PLEKHM1: variants seen among roughly 807,000 people sequenced by gnomAD.
The protein encoded by PLEKHM1 is pleckstrin homology domain-containing family M member 1.
In PLEKHM1, 28 loss-of-function variants were observed where a neutral mutation model predicts 94.3. The ratio of observed to expected loss-of-function variants is 0.30; its 90% CI spans 0.22 to 0.41. The LOEUF is 0.41. Ranked by LOEUF, PLEKHM1 falls within the 10% of genes least tolerant of loss-of-function variation. The pLI is 1.00. For synonymous variants in PLEKHM1, 424 were observed against 581.2 expected (o/e 0.73, Z 3.89); for missense variants, 907 against 1,358.6 (o/e 0.67, Z 5.22).
chr17:45,479,663 G>C (rs1391273226), intron 2 of PLEKHM1, among the ~76,000 whole-genome samples: 2 of 152,136 alleles, frequency 1.3e-5, no homozygotes, highest in East Asian at 3.8e-4. Context: ...TCCAGCCTGG[G>C]TGGCAGAGTG....
In PLEKHM1 at chr17:45,468,514, G is replaced by A. The variant is rs2051394569; in HGVS notation, c.1003C>T (p.Pro335Ser). 6.2e-7 allele frequency: 1 copy of A among 1,614,244 alleles called. No individual in the cohort carries two copies. The highest frequency in any genetic ancestry group is 8.5e-7 in the Non-Finnish European group (1 of 1,180,050). ...GLSQETEIPT[P>S]QASLSLHGLN... Reference sequence around the variant, plus strand: ...CCATGGAGGGAGAGCGAGGCCTGTGGTGTGGGGATCTCTGTTTCTTGGCTC... The same window carrying A: ...CCATGGAGGGAGAGCGAGGCCTGTGATGTGGGGATCTCTGTTTCTTGGCTC... Residue 335 changes from proline to serine, a missense_variant, in exon 5 of 12, where the codon CCA becomes TCA. Physicochemically the swap from Pro to Ser is moderately conservative, Grantham distance 74. Around this residue, in one of 3 missense-constraint regions of PLEKHM1, gnomAD observed 477 missense variants for 601.5 expected, o/e 0.79. Transcript: ENST00000430334.
At chr17:45,454,544 C>T (rs1347669683) in intron 6 of PLEKHM1, 7 of 589,544 alleles carry the variant, frequency 1.2e-5, no homozygotes, top group Non-Finnish European at 2.1e-5. Flanking sequence ...TCCCTACACC[C>T]ACGCCTTCCC....
intron 11 of PLEKHM1, among the ~76,000 whole-genome samples, chr17:45,439,046 A>G (rs1262394819): frequency 6.6e-6 from 1 of 152,232 alleles, no homozygotes; most frequent in African/African-American, 2.4e-5. Context: ...AACAAGAGTG[A>G]TCATTTCAGC....
Position 45,454,204 on chromosome 17 carries a change from A to G in PLEKHM1, c.1648T>C (p.Trp550Arg). The G allele has an allele frequency of 6.2e-7, 1 of 1,612,032 alleles. No homozygotes were observed. The highest frequency in any genetic ancestry group is 2.2e-5 in the East Asian group (1 of 44,784). ...TVERRGAMGI[W>R]KELFCELSPL... Reference sequence around the variant, plus strand: ...GAGAGCTCGCAGAAGAGCTCCTTCCAGATGCCCATTGCCCCCCGCCGCTCC... The same window carrying G: ...GAGAGCTCGCAGAAGAGCTCCTTCCGGATGCCCATTGCCCCCCGCCGCTCC... The change falls in exon 7 of 12, where the codon TGG becomes CGG. Residue 550 changes from tryptophan (W) to arginine (R), a missense_variant. By Grantham distance (101) the Trp-to-Arg change is moderately radical. Transcript: ENST00000430334.
At chr17:45,486,240 A>AAAAAAAAATAAT (rs1555588810) in intron 1 of PLEKHM1, among the ~76,000 whole-genome samples, 1 of 142,860 alleles carries the variant, frequency 7.0e-6, no homozygotes, top group Non-Finnish European at 1.5e-5. Context: ...TAAAATAAAA[A>AAAAAAAAATAAT]AATAATAATA....
Position 45,475,637 on chromosome 17 carries a change from C to A in PLEKHM1, c.386G>T (p.Gly129Val). 6.2e-7 allele frequency: 1 copy of A among 1,613,944 alleles called. No individual in the cohort carries two copies. The change falls in exon 4 of 12, where the codon GGC becomes GTC. Residue 129 changes from glycine (G) to valine (V), a missense_variant. Physicochemically the swap from Gly to Val is moderately radical, Grantham distance 109 (BLOSUM62 -3). This residue lies in a region of PLEKHM1 where 176 missense variants were observed against 306.0 expected (regional missense o/e 0.58). Coordinates refer to ENST00000430334, the MANE Select transcript of PLEKHM1 (RefSeq NM_014798.3). ...CAGCTTCAGGTAGCACTCCATCAGG[C>A]CATCGTTCAGGGCCAGCCGCAGCCA... ...RAWLRLALND[G>V]LMECYLKLLL...
intron 5 of PLEKHM1, among the ~76,000 whole-genome samples, chr17:45,466,514 A>G (rs2051325651): frequency 6.6e-6 from 1 of 152,216 alleles, no homozygotes; most frequent in Non-Finnish European, 1.5e-5. Context: ...TGTCCAATAA[A>G]AGACTTATAT....
chr17:45,453,110 C>T lies in PLEKHM1; in HGVS notation c.2497+245G>A, dbSNP rs1294387362. The T allele has an allele frequency of 3.3e-6, 2 of 609,806 alleles. No homozygotes were observed. The highest frequency in any genetic ancestry group is 3.7e-5 in the African/African-American group (2 of 54,148). 37.8% of individuals were successfully genotyped at this position (609,806 alleles called of 1,614,324 possible). A position where few individuals can be genotyped will look rare whatever the true frequency, so the allele number is the denominator to read the frequency against. ...CGCAGTGAGTAGCCAGCCTGCCGCC[C>T]ATCAGTGGGAGGTGGCAGGAGAGGG... On this transcript the variant is annotated intron_variant, in intron 7 of 11. Coordinates refer to ENST00000430334, the MANE Select transcript of PLEKHM1 (RefSeq NM_014798.3). This position sits in a 1 kb window ranked among gnomAD's most constrained non-coding sequence, Gnocchi z 4.1.
intron 3 of PLEKHM1, chr17:45,477,485 G>T: frequency 3.7e-6 from 1 of 269,430 alleles, no homozygotes; most frequent in Non-Finnish European, 7.3e-6. Context: ...TCTAAGGCAG[G>T]GTCAGCAAAT....
chr17:45,454,526 C>T lies in PLEKHM1; in HGVS notation c.1580-254G>A, dbSNP rs529107648. On this transcript the variant is annotated intron_variant, in intron 6 of 11. Coordinates refer to ENST00000430334, the MANE Select transcript of PLEKHM1 (RefSeq NM_014798.3). ...GAGCACCCAAAAGATCCCCTCCACA[C>T]GCCCTGTTCCCTACACCCACGCCTT... 1.4e-3 allele frequency: 866 copies of T among 605,640 alleles called. 10 individuals are homozygous for T. The African/African-American group carries it at 0.014, about 10-fold the overall frequency. 37.5% of individuals were successfully genotyped at this position (605,640 alleles called of 1,614,324 possible).
At chr17:45,456,650 C>G (rs892741634) in intron 6 of PLEKHM1, among the ~76,000 whole-genome samples, 5 of 152,260 alleles carry the variant, frequency 3.3e-5, no homozygotes, top group African/African-American at 1.2e-4. Flanking sequence ...AGACCGGGCT[C>G]TACCCACACA....
At chr17:45,487,536 A>G (rs1027709154) in intron 1 of PLEKHM1, among the ~76,000 whole-genome samples, 35 of 152,220 alleles carry the variant, frequency 2.3e-4, no homozygotes, top group African/African-American at 8.4e-4. Context: ...AGCCCCAACC[A>G]GCTGAGACCA....
Position 45,436,133 on chromosome 17 carries a change from G to C in PLEKHM1, c.*1725C>G. 2.2e-6 allele frequency: 1 copy of C among 456,240 alleles called. No individual in the cohort carries two copies. The highest frequency in any genetic ancestry group is 1.5e-5 in the South Asian group (1 of 64,556). 28.3% of individuals were successfully genotyped at this position (456,240 alleles called of 1,614,324 possible). ...GCTTCTGGGGAACGGGCCCCCCAGG[G>C]CCTCAAACCTGCTGCCTCCGAGGGC... On this transcript the variant is annotated 3_prime_UTR_variant, in exon 12 of 12. Transcript: ENST00000430334.
chr17:45,440,768 C>CT (rs2050425188), intron 9 of PLEKHM1: 1 of 196,866 alleles, frequency 5.1e-6, no homozygotes, highest in African/African-American at 2.3e-5. Flanking sequence ...GCTCCAGAGC[C>CT]TGCACCCCTG....
chr17:45,481,721 A>T (rs1328414064), intron 2 of PLEKHM1, among the ~76,000 whole-genome samples: 1 of 150,532 alleles, frequency 6.6e-6, no homozygotes, highest in Non-Finnish European at 1.5e-5. Context: ...CAGCTGGGAA[A>T]CAGGTGGAGC....
chr17:45,467,447 A>G (rs541509326), intron 5 of PLEKHM1, among the ~76,000 whole-genome samples: 1 of 152,358 alleles, frequency 6.6e-6, no homozygotes, highest in Admixed American at 6.5e-5. Context: ...GTCATGTTGC[A>G]AAGTGAGTAT....
At chr17:45,474,616 A>G (rs1436428187) in intron 4 of PLEKHM1, among the ~76,000 whole-genome samples, 1 of 152,230 alleles carries the variant, frequency 6.6e-6, no homozygotes, top group South Asian at 2.1e-4. Flanking sequence ...TGAAGACAAC[A>G]ATATTTTACA....
At position 45,453,175 on chromosome 17, in the gene PLEKHM1, G is replaced by T; in HGVS notation, c.2497+180C>A. On this transcript the variant is annotated intron_variant, in intron 7 of 11. Transcript: ENST00000430334. This position sits in a 1 kb window ranked among gnomAD's most constrained non-coding sequence, Gnocchi z 4.1. ...CCCACTGCCTATGAGCAGGGCACTG[G>T]CCCCAGCCGGGGCTGGGGAGGAGCA... The T allele has an allele frequency of 1.5e-6, 1 of 656,684 alleles. No individual in the cohort carries two copies. The highest frequency in any genetic ancestry group is 2.7e-5 in the East Asian group (1 of 36,644). The allele number at this position is 656,684 out of a possible 1,614,324, so 40.7% of individuals were successfully genotyped here. A position where few individuals can be genotyped will look rare whatever the true frequency, so the allele number is the denominator to read the frequency against.
At chr17:45,478,225 G>T in intron 2 of PLEKHM1, 78 bp from the exon 3 acceptor site, 6 of 1,579,376 alleles carry the variant, frequency 3.8e-6, no homozygotes, top group Non-Finnish European at 5.2e-6. Flanking sequence ...CCTTTAGCTG[G>T]TGCCAAATAC....
Sources: allele counts gnomAD v4.1 joint callset (sites outside exome capture counted in the v4.1 genomes callset), GRCh38; gene constraint gnomAD v4.1.1; regional missense constraint gnomAD v4.1.1; non-coding constraint Gnocchi (gnomAD v3.1); transcripts MANE v1.5; gene names NCBI Gene and HGNC (gene_info 2026-07-23, HGNC 2026-07-21).